Variants in VPS13B observed in about 807,000 individuals in gnomAD.
VPS13B encodes vacuolar protein sorting 13 homolog B.
VPS13B carries 285 observed loss-of-function variants against 426.4 expected under a neutral mutation model. That is an observed-to-expected ratio of 0.67 (90% CI 0.61 to 0.74). The LOEUF is 0.74. Among genes scored for constraint, VPS13B ranks in the 30% least tolerant of loss-of-function variants. The probability of loss-of-function intolerance (pLI) is 0.00; values close to 1 mark genes in which losing one functional copy is unlikely to be tolerated. For synonymous variants in VPS13B, 1,676 were observed against 1,676.4 expected, an observed-to-expected ratio of 1.00 and a Z score of 0.01; for missense variants, 4,537 against 4,782.6, an observed-to-expected ratio of 0.95 and a Z score of 1.51.
intron 25 of VPS13B, among the ~76,000 whole-genome samples, chr8:99,488,964 T>C (rs1163023559): frequency 2.0e-5 from 3 of 152,238 alleles, no homozygotes; most frequent in Non-Finnish European, 4.4e-5. Context: ...TGCCCATTCC[T>C]ATGTCCTCAA....
intron 17 of VPS13B, among the ~76,000 whole-genome samples, chr8:99,235,334 T>C (rs751883160): frequency 1.3e-5 from 2 of 152,188 alleles, no homozygotes; most frequent in Non-Finnish European, 2.9e-5. Context: ...ATATTGAAAA[T>C]TTATTTTAAA....
chr8:99,146,474 A>G (rs1183742023), intron 13 of VPS13B, among the ~76,000 whole-genome samples: 2 of 152,322 alleles, frequency 1.3e-5, no homozygotes, highest in African/African-American at 2.4e-5. Flanking sequence ...GGGAGAAGTT[A>G]TTCATTTTGG....
At chr8:99,809,836 A>C (rs1447407873) in intron 44 of VPS13B, among the ~76,000 whole-genome samples, 1 of 152,186 alleles carries the variant, frequency 6.6e-6, no homozygotes, top group African/African-American at 2.4e-5. Context: ...TGAAATAGCC[A>C]AAAGTCCTTT....
At position 99,014,211 on chromosome 8, in the gene VPS13B, G is replaced by T. The variant is rs1841484562; in HGVS notation, c.147+276G>T. 2.1e-5 allele frequency among the ~76,000 whole-genome samples: 3 copies of T among 143,582 alleles called. No homozygotes were observed. In the Admixed American group the frequency reaches 2.2e-4, roughly 11 times the overall value. 94.2% of individuals were successfully genotyped at this position (143,582 alleles called of 152,430 possible). A position where few individuals can be genotyped will look rare whatever the true frequency, so the allele number is the denominator to read the frequency against. ...CGGCTCACTGCAACCTCCGCCTCCG[G>T]GACTCAGGCAGTTCTCCTGCCGTAG... On this transcript the variant is annotated intron_variant, in intron 2 of 61. Transcript: ENST00000357162.
intron 23 of VPS13B, among the ~76,000 whole-genome samples, chr8:99,460,601 C>G (rs1818771855): frequency 6.6e-6 from 1 of 152,160 alleles, no homozygotes; most frequent in Non-Finnish European, 1.5e-5. Context: ...GATTGCAGGA[C>G]AAGGTATTTC....
intron 3 of VPS13B, among the ~76,000 whole-genome samples, chr8:99,038,951 C>T (rs1356920718): frequency 6.6e-6 from 1 of 152,100 alleles, no homozygotes; most frequent in Non-Finnish European, 1.5e-5. Flanking sequence ...TCCCAAAGTA[C>T]TGGGATTATA....
At chr8:99,096,892 G>A (rs973805211) in intron 4 of VPS13B, among the ~76,000 whole-genome samples, 3 of 152,114 alleles carry the variant, frequency 2.0e-5, no homozygotes, top group African/African-American at 7.2e-5. Context: ...TGGGATTACA[G>A]GTGTAAACCA....
chr8:99,590,434 T>C (rs1015511560), intron 33 of VPS13B, among the ~76,000 whole-genome samples: 4 of 152,196 alleles, frequency 2.6e-5, no homozygotes, highest in Non-Finnish European at 4.4e-5. Context: ...TGTTAGGGTG[T>C]CAATTTTAGA....
At chr8:99,711,232 G>A (rs886870728) in intron 36 of VPS13B, among the ~76,000 whole-genome samples, 1 of 152,154 alleles carries the variant, frequency 6.6e-6, no homozygotes, top group African/African-American at 2.4e-5. Flanking sequence ...TAGCAGACAA[G>A]GAAGGCACAT....
chr8:99,406,089 T>C (rs994674065), intron 21 of VPS13B, among the ~76,000 whole-genome samples: 6 of 152,184 alleles, frequency 3.9e-5, no homozygotes, highest in African/African-American at 1.4e-4. Flanking sequence ...CTATATACTT[T>C]TCATACTGCA....
At chr8:99,450,740 C>CT (rs1404465245) in intron 23 of VPS13B, among the ~76,000 whole-genome samples, 4 of 151,704 alleles carry the variant, frequency 2.6e-5, no homozygotes, top group Non-Finnish European at 5.9e-5. Context: ...TTTTCTTTAT[C>CT]TTTTTTTTAC....
At chr8:99,429,173 T>C (rs1019980356) in intron 21 of VPS13B, among the ~76,000 whole-genome samples, 1 of 151,730 alleles carries the variant, frequency 6.6e-6, no homozygotes, top group African/African-American at 2.4e-5. Flanking sequence ...GAGATATACC[T>C]AATGTTAAAT....
chr8:99,151,032 C>G (rs1040543878), intron 14 of VPS13B, among the ~76,000 whole-genome samples: 3 of 152,192 alleles, frequency 2.0e-5, no homozygotes, highest in African/African-American at 4.8e-5. Context: ...TCTCCACATC[C>G]CTACCAACAT....
intron 32 of VPS13B, 149 bp from the exon 33 acceptor site, chr8:99,577,341 G>A (rs1314218881): frequency 1.0e-6 from 1 of 963,028 alleles, no homozygotes; most frequent in Non-Finnish European, 1.6e-6. Context: ...AAGTGGCTGT[G>A]CTCACCATTT....
rs760631759 is a variant in VPS13B, at chr8:99,699,594, A to G, written c.6116A>G (p.Asn2039Ser). The change falls in exon 36 of 62, where the codon AAC (asparagine) becomes AGC (serine). Residue 2039 changes from asparagine to serine, a missense_variant. Transcript: ENST00000357162. ...NLSFTKLDQINLFLKKIKNAH... is the reference protein window; with the variant it reads ...NLSFTKLDQISLFLKKIKNAH... The stretch of plus-strand genomic sequence containing the variant: ...AGTTTCACCAAACTGGATCAGATAA[A>G]CCTTTTTTTAAAGAAGATAAAAAAT... 1.2e-6 allele frequency: 2 copies of G among 1,614,086 alleles called. No homozygotes were observed. The highest frequency in any genetic ancestry group is 1.7e-6 in the Non-Finnish European group (2 of 1,180,022).
intron 15 of VPS13B, among the ~76,000 whole-genome samples, chr8:99,163,567 C>G (rs967129880): frequency 5.9e-5 from 9 of 152,200 alleles, no homozygotes; most frequent in African/African-American, 1.9e-4. Flanking sequence ...TAAGGCCCGG[C>G]GAGAAATCGA....
At chr8:99,133,908 C>T (rs1329835896) in intron 8 of VPS13B, among the ~76,000 whole-genome samples, 1 of 152,114 alleles carries the variant, frequency 6.6e-6, no homozygotes, top group African/African-American at 2.4e-5. Context: ...AAATGTGACA[C>T]AGAAACACAA....
chr8:99,152,701 T>C (rs185004478), intron 14 of VPS13B, among the ~76,000 whole-genome samples: 2 of 152,334 alleles, frequency 1.3e-5, no homozygotes, highest in African/African-American at 2.4e-5. Flanking sequence ...GGGACTGTTA[T>C]GTCTTTTTAC....
chr8:99,374,892 A>G (rs1813399884), intron 19 of VPS13B, among the ~76,000 whole-genome samples: 1 of 152,182 alleles, frequency 6.6e-6, no homozygotes, highest in South Asian at 2.1e-4. Context: ...CTTGTGCCTT[A>G]GGGAGGTATC....
Sources: gnomAD v4.1 joint callset for allele counts (sites outside exome capture counted in the v4.1 genomes callset) on GRCh38, gnomAD v4.1.1 for gene constraint, MANE v1.5 for transcripts, NCBI Gene and HGNC (gene_info 2026-07-23, HGNC 2026-07-21) for gene names.